Variants in TMEM9 observed in about 807,000 individuals in gnomAD.
TMEM9 encodes proton-transporting V-type ATPase complex assembly regulator TMEM9.
TMEM9 carries 13 observed loss-of-function variants against 22.8 expected under a neutral mutation model. The ratio of observed to expected loss-of-function variants is 0.57; its 90% CI spans 0.37 to 0.91. The LOEUF (loss-of-function observed/expected upper bound fraction) is 0.91. Among genes scored for constraint, TMEM9 ranks in the 40% least tolerant of loss-of-function variants. The pLI is 0.01. For synonymous variants in TMEM9, 88 were observed against 93.0 expected, an observed-to-expected ratio of 0.95 and a Z score of 0.31; for missense variants, 182 against 238.1, an observed-to-expected ratio of 0.76 and a Z score of 1.55.
At chr1:201,165,108 T>A (rs1395278232) in intron 1 of TMEM9, among the ~76,000 whole-genome samples, 1 of 149,144 alleles carries the variant, frequency 6.7e-6, no homozygotes, top group East Asian at 2.0e-4. Context: ...AAATTTTTCT[T>A]TAATGAGGAC....
At chr1:201,142,622 G>C (rs955627252) in intron 4 of TMEM9, among the ~76,000 whole-genome samples, 1 of 152,220 alleles carries the variant, frequency 6.6e-6, no homozygotes, top group African/African-American at 2.4e-5. Flanking sequence ...GCCTAGCTGA[G>C]GCGCTTCCCG....
chr1:201,163,601 G>T (rs1666001321), intron 1 of TMEM9, among the ~76,000 whole-genome samples: 1 of 151,470 alleles, frequency 6.6e-6, no homozygotes, highest in Admixed American at 6.6e-5. Flanking sequence ...AAAAATAGAA[G>T]TAAATAAATA....
At chr1:201,144,088 T>G in intron 3 of TMEM9, 137 bp from the exon 4 acceptor site, 1 of 905,452 alleles carries the variant, frequency 1.1e-6, no homozygotes, top group South Asian at 1.6e-5. Context: ...GGAGGCAACG[T>G]GGGCTCAGAG....
upstream of TMEM9, among the ~76,000 whole-genome samples, chr1:201,157,770 A>C (rs566054446): frequency 1.3e-5 from 2 of 152,316 alleles, no homozygotes; most frequent in African/African-American, 4.8e-5. Context: ...GGAAGGCTGC[A>C]GAGGCACTTG....
intron 2 of TMEM9, among the ~76,000 whole-genome samples, chr1:201,149,675 C>G (rs752542033): frequency 6.6e-6 from 1 of 152,204 alleles, no homozygotes; most frequent in Non-Finnish European, 1.5e-5. Context: ...TGGCTTTACT[C>G]TGCACAACCA....
At chr1:201,139,727 T>C (rs770834435) in intron 4 of TMEM9, among the ~76,000 whole-genome samples, 22 of 152,206 alleles carry the variant, frequency 1.4e-4, no homozygotes, top group Non-Finnish European at 2.5e-4. Flanking sequence ...CTGATTGAAA[T>C]AGCGCATTCT....
chr1:201,157,723 A>G (rs1447003653), upstream of TMEM9, among the ~76,000 whole-genome samples: 4 of 152,190 alleles, frequency 2.6e-5, no homozygotes, highest in East Asian at 1.9e-4. Context: ...CAAATCAACA[A>G]GCAATGACAA....
Position 201,168,587 on chromosome 1 carries a change from C to T in TMEM9, c.-37+2903G>A, listed in dbSNP as rs12096352. On this transcript the variant is annotated intron_variant, in intron 1 of 5. Coordinates refer to the TMEM9 transcript ENST00000367333. ...TGCAAAAATTAGCTGGGTGTGGTGG[C>T]GCATGCCTGTAATCCCAGCTACTCA... 8.8e-3 allele frequency among the ~76,000 whole-genome samples: 1,343 copies of T among 152,154 alleles called. 24 individuals are homozygous for T. The highest frequency in any genetic ancestry group is 0.03 in the African/African-American group (1,253 of 41,502).
intron 1 of TMEM9, 84 bp downstream of exon 1, chr1:201,153,774 G>C (rs1194189165): frequency 1.1e-5 from 18 of 1,593,984 alleles, no homozygotes; most frequent in Non-Finnish European, 1.5e-5. Flanking sequence ...TTAAGGAGCA[G>C]CTGGCTACCT....
At position 201,153,884 on chromosome 1, in the gene TMEM9, G is replaced by A. The variant is rs1273298464; in HGVS notation, c.40C>T (p.Leu14=). 2.5e-6 allele frequency: 4 copies of A among 1,614,096 alleles called. No homozygotes were observed. Among genetic ancestry groups the A allele is most frequent in the East Asian group, 2.2e-5 (1 of 44,878 alleles). ...TTGTTGGCTTCAGCTGGGGGCACCA[G>A]CAAACACCCGACCACAGCCACCAAA... ...LSLVAVVGCL[L]VPPAEANKSS... is the part of the protein sequence containing the mutation. The change falls in exon 1 of 5, where the codon CTG becomes TTG. Residue 14 remains leucine, a synonymous_variant. Transcript: ENST00000367330.
intron 1 of TMEM9, among the ~76,000 whole-genome samples, chr1:201,164,514 C>T (rs1023920498): frequency 6.6e-6 from 1 of 152,134 alleles, no homozygotes. Flanking sequence ...TATAAAATTG[C>T]CAGTATTTGA....
chr1:201,159,221 C>T (rs1388864773), upstream of TMEM9, among the ~76,000 whole-genome samples: 2 of 152,160 alleles, frequency 1.3e-5, no homozygotes, highest in Admixed American at 1.3e-4. Flanking sequence ...AGCGCTTGAC[C>T]CACCTCTTAT....
chr1:201,150,046 C>G (rs1665297880), intron 2 of TMEM9, among the ~76,000 whole-genome samples: 1 of 152,254 alleles, frequency 6.6e-6, no homozygotes, highest in Non-Finnish European at 1.5e-5. Context: ...GAGGTCTAGA[C>G]AGGACTCCGT....
At chr1:201,159,484 TACACACACAC>T (rs60273477), upstream of TMEM9, among the ~76,000 whole-genome samples, 512 of 147,694 alleles carry the variant, frequency 3.5e-3, no homozygotes, top group African/African-American at 0.011. Context: ...TGCCTTTTTA[TACACACACAC>T]ACACACACAC....
At chr1:201,170,928 T>A (rs1666195905) in intron 1 of TMEM9, among the ~76,000 whole-genome samples, 1 of 152,076 alleles carries the variant, frequency 6.6e-6, no homozygotes, top group Non-Finnish European at 1.5e-5. Flanking sequence ...CAGTCCTCTG[T>A]GGGAGGTGGC....
Position 201,153,983 on chromosome 1 carries a change from G to T in TMEM9, c.-60C>A. The T allele has an allele frequency of 6.4e-7, 1 of 1,557,758 alleles. No individual in the cohort carries two copies. Among genetic ancestry groups the T allele is most frequent in the South Asian group, 1.2e-5 (1 of 81,592 alleles). ...ACCTGGAAAAAGAGATACGGAGTCG[G>T]AGAAGGGGAAGGTGGCCACACCGCA... is the stretch of plus-strand genomic sequence containing the variant. On this transcript the variant is annotated 5_prime_UTR_variant, in exon 1 of 5. Transcript: ENST00000367330.
At chr1:201,161,950 G>A (rs570715820) in intron 1 of TMEM9, among the ~76,000 whole-genome samples, 1 of 152,188 alleles carries the variant, frequency 6.6e-6, no homozygotes, top group Admixed American at 6.5e-5. Flanking sequence ...TACTAAAATA[G>A]ATAAGGGGCA....
intron 3 of TMEM9, chr1:201,144,643 G>GCAAATT (rs1295981154): frequency 6.6e-6 from 1 of 152,262 alleles, no homozygotes; most frequent in African/African-American, 2.4e-5. Flanking sequence ...ATTTAATGAG[G>GCAAATT]CAAATTCAAT....
At chr1:201,151,519 C>CAA in intron 2 of TMEM9, among the ~76,000 whole-genome samples, 1 of 152,304 alleles carries the variant, frequency 6.6e-6, no homozygotes, top group South Asian at 2.1e-4. Context: ...ATATTCAAAG[C>CAA]AAAACAACAA....
Sources: gnomAD v4.1 joint callset for allele counts (sites outside exome capture counted in the v4.1 genomes callset) on GRCh38, gnomAD v4.1.1 for gene constraint, MANE v1.5 for transcripts, NCBI Gene and HGNC (gene_info 2026-07-23, HGNC 2026-07-21) for gene names.